Variants in PI4KB observed in about 807,000 individuals in gnomAD.
PI4KB encodes PtdIns 4-kinase beta.
Under a neutral mutation model 81.4 loss-of-function variants are expected in PI4KB, and 23 were observed. The ratio of observed to expected loss-of-function variants is 0.28; its 90% CI spans 0.20 to 0.40. The LOEUF is 0.40. PI4KB is among the 10% of genes least tolerant of loss of function. The pLI is 1.00. For missense variants in PI4KB, 651 were observed against 1,036.6 expected, an observed-to-expected ratio of 0.63 and a Z score of 5.11; for synonymous variants, 381 against 406.8, an observed-to-expected ratio of 0.94 and a Z score of 0.76.
intron 8 of PI4KB, among the ~76,000 whole-genome samples, chr1:151,301,632 C>A (rs587599223): frequency 3.9e-5 from 6 of 151,974 alleles, no homozygotes; most frequent in Admixed American, 2.0e-4. Context: ...CTCCTGACCT[C>A]GTGATCCACC....
At chr1:151,295,077 AG>A (rs939341648) in intron 9 of PI4KB, among the ~76,000 whole-genome samples, 1 of 152,216 alleles carries the variant, frequency 6.6e-6, no homozygotes, top group African/African-American at 2.4e-5. Context: ...GGGGGCTTCA[AG>A]GGGTAAGTTT....
chr1:151,317,001 A>C (rs1185632378), intron 1 of PI4KB, among the ~76,000 whole-genome samples: 1 of 151,270 alleles, frequency 6.6e-6, no homozygotes, highest in Non-Finnish European at 1.5e-5. Flanking sequence ...TTTGTTTTGT[A>C]TTTTTAGTAG....
intron 8 of PI4KB, 135 bp from the exon 9 acceptor site, chr1:151,299,208 T>A: frequency 2.6e-6 from 2 of 782,008 alleles, no homozygotes; most frequent in Non-Finnish European, 2.1e-6. Flanking sequence ...AAGACTCACT[T>A]AACCCAGTGA....
At chr1:151,299,101 C>T (rs1182538709) in intron 8 of PI4KB, 28 bp from the exon 9 acceptor site, 13 of 1,599,864 alleles carry the variant, frequency 8.1e-6, no homozygotes, top group Non-Finnish European at 4.3e-6. Flanking sequence ...GGATACAGGA[C>T]TCTTATCTTT....
intron 9 of PI4KB, 45 bp downstream of exon 9, chr1:151,298,763 G>C: frequency 6.3e-7 from 1 of 1,592,232 alleles, no homozygotes. Flanking sequence ...AAGGGACAGA[G>C]AGAACCCTGG....
intron 9 of PI4KB, chr1:151,298,585 A>T: frequency 1.7e-6 from 1 of 588,468 alleles, no homozygotes; most frequent in Non-Finnish European, 3.0e-6. Flanking sequence ...TCAAACCCTT[A>T]GTCCTCCCAT....
At position 151,318,626 on chromosome 1, in the gene PI4KB, C is replaced by T. The variant is rs992109288; in HGVS notation, c.-28-2117G>A. On this transcript the variant is annotated intron_variant, in intron 1 of 11. Transcript: ENST00000368873. ...ACTTGGGAGGCTGAGGCAGGAGAAT[C>T]GCTTGAACCCGGGAGGCAGAGGTTG... 1.2e-4 allele frequency among the ~76,000 whole-genome samples: 18 copies of T among 151,448 alleles called. No homozygotes were observed. In the South Asian group the frequency reaches 2.3e-3, roughly 19 times the overall value.
rs778484609 is a variant in PI4KB at position 151,294,118 on chromosome 1, G to A, written c.2169C>T (p.Gly723=). The A allele has an allele frequency of 1.5e-5, 24 of 1,613,272 alleles. No individual in the cohort carries two copies. The highest frequency in any genetic ancestry group is 3.3e-5 in the South Asian group (3 of 91,014). The change falls in exon 11 of 12, where the codon GGC becomes GGT. Residue 723 remains glycine, a synonymous_variant. Transcript: ENST00000368873. ...EFVDVMGGLD[G]DMFNYYKMLM... is the part of the protein sequence containing the mutation. Reference sequence around the variant, plus strand: ...GCATCTTATAGTAGTTGAACATGTCGCCATCCAGGCCGCCCATCACCTGGA... The same window carrying A: ...GCATCTTATAGTAGTTGAACATGTCACCATCCAGGCCGCCCATCACCTGGA...
intron 5 of PI4KB, among the ~76,000 whole-genome samples, chr1:151,305,204 G>T (rs962114524): frequency 6.6e-6 from 1 of 152,188 alleles, no homozygotes. Flanking sequence ...GACTTCAAGC[G>T]ATCCACCCAC....
chr1:151,300,593 G>A (rs2101927703), intron 8 of PI4KB: 1 of 152,164 alleles, frequency 6.6e-6, no homozygotes, highest in Admixed American at 6.6e-5. Flanking sequence ...GGAAACAAGA[G>A]CAGAACTCCA....
Position 151,315,874 on chromosome 1 carries a change from C to T in PI4KB, c.608G>A (p.Arg203His), listed in dbSNP as rs766903450. The change falls in exon 2 of 12, where the codon CGC (arginine) becomes CAC (histidine). Residue 203 changes from arginine to histidine, a missense_variant. Transcript: ENST00000368873. ...CTGGAGGGAAAAGTTAATGCTCTGG[C>T]GGCAACGGTGGACTATGTAGGGCTT... ...AIKPYIVHRC[R>H]QSINFSLQCA... The T allele has an allele frequency of 7.4e-6, 12 of 1,613,896 alleles. No homozygotes were observed. The highest frequency in any genetic ancestry group is 2.2e-5 in the East Asian group (1 of 44,892).
At chr1:151,302,543 T>C (rs1165200304) in intron 6 of PI4KB, among the ~76,000 whole-genome samples, 1 of 151,752 alleles carries the variant, frequency 6.6e-6, no homozygotes, top group Admixed American at 6.6e-5. Flanking sequence ...TCAGAATGGG[T>C]GTGTCTCTAG....
At chr1:151,307,923 G>A (rs1393948331) in intron 3 of PI4KB, 122 bp from the exon 4 acceptor site, 2 of 712,778 alleles carry the variant, frequency 2.8e-6, no homozygotes, top group Non-Finnish European at 4.9e-6. Context: ...CTCCAGGAAA[G>A]CAGCTGCTTT....
At chr1:151,308,770 C>T (rs1390142391) in intron 3 of PI4KB, among the ~76,000 whole-genome samples, 2 of 152,216 alleles carry the variant, frequency 1.3e-5, no homozygotes, top group African/African-American at 2.4e-5. Flanking sequence ...GGCATTTTAT[C>T]AAGACAGCCA....
intron 9 of PI4KB, among the ~76,000 whole-genome samples, chr1:151,298,272 T>C (rs968055440): frequency 2.0e-5 from 3 of 152,210 alleles, no homozygotes; most frequent in African/African-American, 7.2e-5. Context: ...CCCTATTATC[T>C]CTTGCTTTGT....
intron 9 of PI4KB, among the ~76,000 whole-genome samples, chr1:151,295,807 GA>G (rs1694743983): frequency 6.6e-6 from 1 of 152,126 alleles, no homozygotes; most frequent in South Asian, 2.1e-4. Context: ...TTCCCTAAAG[GA>G]AAGCCCTGGG....
chr1:151,326,028 T>C lies in PI4KB; in HGVS notation c.-29+1243A>G, dbSNP rs557095818. 53 of 812,374 alleles carry C rather than the reference T, an allele frequency of 6.5e-5. 1 individual carries two copies. The South Asian group carries it at 7.7e-4, about 12-fold the overall frequency. 50.3% of individuals were successfully genotyped at this position (812,374 alleles called of 1,614,324 possible). A position where few individuals can be genotyped will look rare whatever the true frequency, so the allele number is the denominator to read the frequency against. On this transcript the variant is annotated intron_variant, in intron 1 of 11. Transcript: ENST00000368873. Reference sequence around the variant, plus strand: ...CTTACCCCACTCCAGGCCTGAATTCTTATGGAACCAACCAAAACTATTCTA... The same window carrying C: ...CTTACCCCACTCCAGGCCTGAATTCCTATGGAACCAACCAAAACTATTCTA...
intron 2 of PI4KB, among the ~76,000 whole-genome samples, chr1:151,313,757 A>T (rs1290454280): frequency 2.0e-5 from 3 of 152,232 alleles, no homozygotes; most frequent in Admixed American, 6.5e-5. Context: ...TGGATGTGGA[A>T]GCTCAGATGG....
chr1:151,300,167 AC>A (rs1262094855), intron 8 of PI4KB, among the ~76,000 whole-genome samples: 2 of 152,242 alleles, frequency 1.3e-5, no homozygotes, highest in Admixed American at 1.3e-4. Context: ...TTGAGATTTG[AC>A]AGCTATTTCT....
Sources: gnomAD v4.1 joint callset for allele counts (sites outside exome capture counted in the v4.1 genomes callset) on GRCh38, gnomAD v4.1.1 for gene constraint, MANE v1.5 for transcripts, NCBI Gene and HGNC (gene_info 2026-07-23, HGNC 2026-07-21) for gene names.